Variants in GPANK1 observed in about 807,000 individuals in gnomAD.
GPANK1 encodes G patch domain and ankyrin repeat-containing protein 1.
In GPANK1, 22 loss-of-function variants were observed where a neutral mutation model predicts 24.0. That is an observed-to-expected ratio of 0.92 (90% CI 0.66 to 1.31). The LOEUF (loss-of-function observed/expected upper bound fraction) is 1.31, where lower values mean the gene tolerates loss of function less well. GPANK1 is among the 50% of genes most tolerant of loss of function. The pLI is 0.00. For missense variants in GPANK1, 469 were observed against 453.5 expected, an observed-to-expected ratio of 1.03 and a Z score of -0.31; for synonymous variants, 174 against 177.4, an observed-to-expected ratio of 0.98 and a Z score of 0.15.
Position 31,661,704 on chromosome 6 carries a change from AAAAAAAG to A in GPANK1, c.*555_*561del. 1 of 166,650 alleles carries A rather than the reference AAAAAAAG, an allele frequency of 6.0e-6. No individual in the cohort carries two copies. Among genetic ancestry groups the A allele is most frequent in the Non-Finnish European group, 1.3e-5 (1 of 76,594 alleles). The allele number at this position is 166,650 out of a possible 1,614,324, so 10.3% of individuals were successfully genotyped here. A position where few individuals can be genotyped will look rare whatever the true frequency, so the allele number is the denominator to read the frequency against. On this transcript the variant is annotated 3_prime_UTR_variant, in exon 3 of 3. Transcript: ENST00000375896. Reference sequence around the variant, plus strand: ...AATGAGAGCGAAACTGCATCTCAAAAAAAAAAGAAAAAAATTGATAACATGGCACTTT... The same window carrying A: ...AATGAGAGCGAAACTGCATCTCAAAAAAAAAAATTGATAACATGGCACTTT...
At position 31,662,096 on chromosome 6, in the gene GPANK1, T is replaced by G; in HGVS notation, c.*170A>C. On this transcript the variant is annotated 3_prime_UTR_variant, in exon 3 of 3. Transcript: ENST00000375896. The surrounding 1 kb of genome is among the most constrained non-coding windows in gnomAD (Gnocchi z 5.5). Reference sequence around the variant, plus strand: ...TCCAGAAAAGTGAATAAACCACAAATGGTTGATTTATTTCTGACTCTCAGC... The same window carrying G: ...TCCAGAAAAGTGAATAAACCACAAAGGGTTGATTTATTTCTGACTCTCAGC... 2.3e-6 allele frequency: 1 copy of G among 443,426 alleles called. No homozygotes were observed. Among genetic ancestry groups the G allele is most frequent in the Non-Finnish European group, 4.0e-6 (1 of 249,350 alleles). The allele number at this position is 443,426 out of a possible 1,614,324, so 27.5% of individuals were successfully genotyped here.
rs1562029768 is a variant in GPANK1, at chr6:31,663,935, G to A, written c.544C>T (p.Gln182Ter). The stretch of plus-strand genomic sequence containing the variant: ...GGGAAGCCAGCTTCTTCAGCGAGCT[G>A]AGCCGCATCCCTGCCACTCAGCTCA... ...VCELSGRDAA[Q>*]LAEEAGFPEV... The change falls in exon 2 of 3, where the codon CAG becomes TAG. Residue 182 changes from glutamine (Q) to a stop codon, truncating the protein, a stop_gained. Transcript: ENST00000375896. LOFTEE classifies it high-confidence loss of function. The A allele has an allele frequency of 6.2e-7, 1 of 1,613,804 alleles. No individual in the cohort carries two copies. Among genetic ancestry groups the A allele is most frequent in the Admixed American group, 1.7e-5 (1 of 59,980 alleles).
Position 31,662,243 on chromosome 6 carries a change from ACTAG to A in GPANK1, c.*19_*22del. On this transcript the variant is annotated 3_prime_UTR_variant, in exon 3 of 3. Coordinates refer to ENST00000375896, the MANE Select transcript of GPANK1 (RefSeq NM_033177.4). The surrounding 1 kb of genome is among the most constrained non-coding windows in gnomAD (Gnocchi z 5.5). ...GCCCAAGTTCAGACTTCAGCAGCAG[ACTAG>A]GGTCAGACTTTACCAAAGTCAGAAC... 6.8e-7 allele frequency: 1 copy of A among 1,480,212 alleles called. No homozygotes were observed. The allele number at this position is 1,480,212 out of a possible 1,614,324, so 91.7% of individuals were successfully genotyped here.
chr6:31,661,624 C>T lies in GPANK1; in HGVS notation c.*642G>A, dbSNP rs984043306. Reference sequence around the variant, plus strand: ...CTGAGGCAGGAGAATCCCTTGAACTCGGGGGGCAGAGGTTGTGGTGAGCCG... The same window carrying T: ...CTGAGGCAGGAGAATCCCTTGAACTTGGGGGGCAGAGGTTGTGGTGAGCCG... On this transcript the variant is annotated 3_prime_UTR_variant, in exon 3 of 3. Coordinates refer to ENST00000375896, the MANE Select transcript of GPANK1 (RefSeq NM_033177.4). The T allele has an allele frequency of 6.5e-6, 1 of 153,514 alleles. No homozygotes were observed. Among genetic ancestry groups the T allele is most frequent in the Non-Finnish European group, 1.5e-5 (1 of 68,816 alleles). 9.5% of individuals were successfully genotyped at this position (153,514 alleles called of 1,614,324 possible).
At chr6:31,665,481 G>A (rs1171529472), upstream of GPANK1, 6 of 1,567,630 alleles carry the variant, frequency 3.8e-6, no homozygotes, top group East Asian at 2.4e-5. Context: ...CAGAATGGCT[G>A]GCACCACCTC....
In GPANK1 at chr6:31,662,067, AG is replaced by A; in HGVS notation, c.*198del. ...GGCTTCTGTTTGGCTTCCTCAAAAT[AG>A]CTTCCAGAAAAGTGAATAAACCACA... On this transcript the variant is annotated 3_prime_UTR_variant, in exon 3 of 3. Coordinates refer to ENST00000375896, the MANE Select transcript of GPANK1 (RefSeq NM_033177.4). This position sits in a 1 kb window ranked among gnomAD's most constrained non-coding sequence, Gnocchi z 5.5. 2.4e-6 allele frequency: 1 copy of A among 425,074 alleles called. No individual in the cohort carries two copies. The allele number at this position is 425,074 out of a possible 1,614,324, so 26.3% of individuals were successfully genotyped here.
At chr6:31,664,697 T>C in intron 1 of GPANK1, 120 bp from the exon 2 acceptor site, 1 of 571,196 alleles carries the variant, frequency 1.8e-6, no homozygotes, top group Non-Finnish European at 3.1e-6. Flanking sequence ...AACCCTACAA[T>C]ACCGACTTTG....
upstream of GPANK1, chr6:31,665,617 G>A (rs1009510405): frequency 1.0e-4 from 104 of 992,898 alleles, no homozygotes; most frequent in Non-Finnish European, 1.4e-4. Flanking sequence ...CAGTATGCCC[G>A]TCAAGGGTCT....
In GPANK1 at chr6:31,662,177, G is replaced by A. The variant is rs1800943797; in HGVS notation, c.*89C>T. ...CAAAAACTTCAGGATCTGCATCTGAGCAGATCCCAGGAAGGGGAAGTCAAA... is the reference window on the plus strand; with the variant it reads ...CAAAAACTTCAGGATCTGCATCTGAACAGATCCCAGGAAGGGGAAGTCAAA... On this transcript the variant is annotated 3_prime_UTR_variant, in exon 3 of 3. Transcript: ENST00000375896. The surrounding 1 kb of genome is among the most constrained non-coding windows in gnomAD (Gnocchi z 5.5). The A allele has an allele frequency of 7.3e-6, 6 of 825,062 alleles. No individual in the cohort carries two copies. Among genetic ancestry groups the A allele is most frequent in the Non-Finnish European group, 1.2e-5 (6 of 520,508 alleles). 51.1% of individuals were successfully genotyped at this position (825,062 alleles called of 1,614,324 possible).
At chr6:31,664,688 A>G in intron 1 of GPANK1, 111 bp from the exon 2 acceptor site, 2 of 571,086 alleles carry the variant, frequency 3.5e-6, no homozygotes, top group East Asian at 5.7e-5. Context: ...AAAACATGGA[A>G]CCCTACAATA....
rs1203178062 is a variant in GPANK1, at chr6:31,664,310, A to AGTCAG, written c.164_168dup (p.Ser57LeufsTer21). On this transcript the variant is annotated frameshift_variant, in exon 2 of 3. Transcript: ENST00000375896. LOFTEE classifies it high-confidence loss of function. ...GCAGGTTCAGTCTGAGATCTCTGGG[A>AGTCAG]GTCAGGAGCGCTGCTCTCATCCCCA... The AGTCAG allele has an allele frequency of 6.2e-7, 1 of 1,613,992 alleles. No individual in the cohort carries two copies. Among genetic ancestry groups the AGTCAG allele is most frequent in the African/African-American group, 1.3e-5 (1 of 74,962 alleles).
At chr6:31,665,935 G>C (rs889040698), upstream of GPANK1, 2 of 1,059,016 alleles carry the variant, frequency 1.9e-6, no homozygotes, top group Admixed American at 4.5e-5. Flanking sequence ...GTGACAGCCA[G>C]GTCGTGCGCG....
rs2151171314 is a variant in GPANK1 at position 31,664,446 on chromosome 6, T to C, written c.33A>G (p.Pro11=). 1 of 1,613,828 alleles carries C rather than the reference T, an allele frequency of 6.2e-7. No homozygotes were observed. The highest frequency in any genetic ancestry group is 2.2e-5 in the East Asian group (1 of 44,876). Residue 11 remains proline (P), a synonymous_variant, in exon 2 of 3, where the codon CCA becomes CCG. Transcript: ENST00000375896. ...TCCAGAGGTCGCTGGGGTCAGTGGC[T>C]GGGGTGAAGGTGATGAGCAAGGGCC... is the stretch of plus-strand genomic sequence containing the variant. MSRPLLITFT[P]ATDPSDLWKD...
At chr6:31,664,708 C>T in intron 1 of GPANK1, 131 bp from the exon 2 acceptor site, 2 of 561,350 alleles carry the variant, frequency 3.6e-6, no homozygotes, top group Non-Finnish European at 6.3e-6. Context: ...ACCGACTTTG[C>T]TCCTTAGTAA....
upstream of GPANK1, chr6:31,665,478 G>A (rs564266236): frequency 3.8e-6 from 6 of 1,568,056 alleles, no homozygotes; most frequent in Non-Finnish European, 4.3e-6. Flanking sequence ...GAGCAGAATG[G>A]CTGGCACCAC....
rs765728591 is a variant in GPANK1 at position 31,664,452 on chromosome 6, G to A, written c.27C>T (p.Phe9=). 6 of 1,613,684 alleles carry A rather than the reference G, an allele frequency of 3.7e-6. No homozygotes were observed. The South Asian group carries it at 5.5e-5, about 15-fold the overall frequency. The change falls in exon 2 of 3, where the codon TTC becomes TTT. Residue 9 remains phenylalanine (F), a synonymous_variant. Transcript: ENST00000375896. ...GGTCGCTGGGGTCAGTGGCTGGGGT[G>A]AAGGTGATGAGCAAGGGCCGGGACA... is the stretch of plus-strand genomic sequence containing the variant. MSRPLLIT[F]TPATDPSDLW...
Position 31,664,056 on chromosome 6 carries a change from G to C in GPANK1, c.423C>G (p.Ala141=). The C allele has an allele frequency of 6.2e-7, 1 of 1,614,174 alleles. No homozygotes were observed. Among genetic ancestry groups the C allele is most frequent in the Non-Finnish European group, 8.5e-7 (1 of 1,180,036 alleles). ...GAGGNINARD[A]FWWTPLMCAA... Reference sequence around the variant, plus strand: ...CACACATCAGTGGGGTCCACCAGAAGGCATCCCGGGCGTTGATATTCCCCC... The same window carrying C: ...CACACATCAGTGGGGTCCACCAGAACGCATCCCGGGCGTTGATATTCCCCC... The change falls in exon 2 of 3, where the codon GCC becomes GCG. Residue 141 remains alanine, a synonymous_variant. Transcript: ENST00000375896.
upstream of GPANK1, chr6:31,665,350 T>C: frequency 2.6e-6 from 3 of 1,161,376 alleles, no homozygotes; most frequent in Non-Finnish European, 3.8e-6. Context: ...GGGAAACCTG[T>C]GGAATGCCGA....
In GPANK1 at chr6:31,663,898, C is replaced by T. The variant is rs760008053; in HGVS notation, c.581G>A (p.Arg194His). Reference protein sequence around the residue: ...AEEAGFPEVARMVRESHGETR... With the variant: ...AEEAGFPEVAHMVRESHGETR... Reference sequence around the variant, plus strand: ...CTCTCCATGGCTCTCCCTGACCATGCGGGCTACCTCAGGGAAGCCAGCTTC... The same window carrying T: ...CTCTCCATGGCTCTCCCTGACCATGTGGGCTACCTCAGGGAAGCCAGCTTC... The change falls in exon 2 of 3, where the codon CGC (arginine) becomes CAC (histidine). Residue 194 changes from arginine (R) to histidine (H), a missense_variant. Coordinates refer to ENST00000375896, the MANE Select transcript of GPANK1 (RefSeq NM_033177.4). The T allele has an allele frequency of 4.4e-6, 7 of 1,602,534 alleles. No homozygotes were observed. The highest frequency in any genetic ancestry group is 3.4e-5 in the South Asian group (3 of 89,516).
Sources: gnomAD v4.1 joint callset for allele counts on GRCh38, gnomAD v4.1.1 for gene constraint, Gnocchi (gnomAD v3.1) non-coding constraint, MANE v1.5 for transcripts, NCBI Gene and HGNC (gene_info 2026-07-23, HGNC 2026-07-21) for gene names.